Variants in PDE10A observed in about 807,000 individuals in gnomAD.
PDE10A encodes the protein phosphodiesterase 10A, also known as cAMP and cAMP-inhibited cGMP 3',5'-cyclic phosphodiesterase 10A.
In PDE10A, 39 loss-of-function variants were observed where a neutral mutation model predicts 97.7. That is an observed-to-expected ratio of 0.40 (90% CI 0.31 to 0.52). The LOEUF (loss-of-function observed/expected upper bound fraction) is 0.52, where lower values mean the gene tolerates loss of function less well. PDE10A is among the 20% of genes least tolerant of loss of function. The pLI is 0.56. For synonymous variants in PDE10A, 371 were observed against 376.8 expected, an observed-to-expected ratio of 0.98 and a Z score of 0.18; for missense variants, 731 against 1,047.8, an observed-to-expected ratio of 0.70 and a Z score of 4.17.
At chr6:165,679,729 T>C (rs1790925333) in intron 1 of PDE10A, among the ~76,000 whole-genome samples, 1 of 152,238 alleles carries the variant, frequency 6.6e-6, no homozygotes, top group Non-Finnish European at 1.5e-5. Flanking sequence ...CGCTGTGATG[T>C]CTTTCTCTCT....
rs1784046376 is a variant in PDE10A at position 165,953,797 on chromosome 6, G to A, written c.-615+33732C>T. Among the ~76,000 whole-genome samples, 3 of 152,140 alleles carry A rather than the reference G, an allele frequency of 2.0e-5. No homozygotes were observed. In the South Asian group the frequency reaches 6.2e-4, roughly 32 times the overall value. Reference sequence around the variant, plus strand: ...GCTTACATCAGAGTTGGTTCCTTGTGTTGTACAGTTCTACAGTAGTTCTAT... The same window carrying A: ...GCTTACATCAGAGTTGGTTCCTTGTATTGTACAGTTCTACAGTAGTTCTAT... On this transcript the variant is annotated intron_variant, in intron 1 of 19. Transcript: ENST00000366882.
In PDE10A at chr6:165,618,859, T is replaced by A. The variant is rs1009264639; in HGVS notation, c.865+43088A>T. On this transcript the variant is annotated intron_variant, in intron 1 of 21. Transcript: ENST00000539869. ...GAGAGCGCATTAAATGAATGTTACA[T>A]AGGTACTAAAAGAGCCCTAGGAGCA... 6.4e-4 allele frequency among the ~76,000 whole-genome samples: 97 copies of A among 152,330 alleles called. 1 individual carries two copies. The highest frequency in any genetic ancestry group is 2.3e-3 in the African/African-American group (94 of 41,570).
intron 20 of PDE10A, among the ~76,000 whole-genome samples, chr6:165,339,074 T>A (rs1028324227): frequency 6.6e-6 from 1 of 152,230 alleles, no homozygotes; most frequent in Admixed American, 6.5e-5. Flanking sequence ...TAGATGATTA[T>A]TCAGGGTAAA....
intron 1 of PDE10A, among the ~76,000 whole-genome samples, chr6:165,680,065 G>A (rs1258308236): frequency 6.6e-6 from 1 of 152,078 alleles, no homozygotes; most frequent in Non-Finnish European, 1.5e-5. Flanking sequence ...GGTACTGTGG[G>A]GTACCCATGT....
intron 1 of PDE10A, among the ~76,000 whole-genome samples, chr6:165,645,221 G>A (rs947709101): frequency 3.3e-5 from 5 of 152,316 alleles, no homozygotes; most frequent in Non-Finnish European, 5.9e-5. Flanking sequence ...AGTGCACAGC[G>A]AGGGTGCGGC....
At chr6:165,727,493 T>A (rs549463631) in intron 1 of PDE10A, among the ~76,000 whole-genome samples, 1 of 152,318 alleles carries the variant, frequency 6.6e-6, no homozygotes, top group South Asian at 2.1e-4. Context: ...AACAGTGTTC[T>A]GAGGCCAGGA....
At chr6:165,644,976 G>T (rs911306025) in intron 1 of PDE10A, among the ~76,000 whole-genome samples, 2 of 152,200 alleles carry the variant, frequency 1.3e-5, no homozygotes, top group Non-Finnish European at 2.9e-5. Context: ...GTAGAATAAA[G>T]AACATAAACG....
Position 165,705,096 on chromosome 6 carries a change from C to T in PDE10A, c.-614-161528G>A, listed in dbSNP as rs913855684. Among the ~76,000 whole-genome samples, 3 of 152,220 alleles carry T rather than the reference C, an allele frequency of 2.0e-5. No homozygotes were observed. In the South Asian group the frequency reaches 6.2e-4, roughly 32 times the overall value. On this transcript the variant is annotated intron_variant, in intron 1 of 19. Transcript: ENST00000366882. ...TACCACCCGCCCCCAGCATGGCACG[C>T]ACACCCAGGGGACACCTGGGGACCA...
intron 1 of PDE10A, among the ~76,000 whole-genome samples, chr6:165,941,388 C>A (rs1264048927): frequency 6.6e-6 from 1 of 152,204 alleles, no homozygotes; most frequent in African/African-American, 2.4e-5. Context: ...TCCATGAGCT[C>A]TCTGTCTAAA....
intron 1 of PDE10A, among the ~76,000 whole-genome samples, chr6:165,701,724 C>T (rs574369895): frequency 1.4e-4 from 21 of 149,050 alleles, no homozygotes; most frequent in Middle Eastern, 3.5e-3. Context: ...TGTGTTTGCG[C>T]GTGTGTGCAT....
chr6:165,825,655 G>A (rs1779718129), intron 1 of PDE10A, among the ~76,000 whole-genome samples: 1 of 152,234 alleles, frequency 6.6e-6, no homozygotes, highest in African/African-American at 2.4e-5. Context: ...AAGAGAGCAA[G>A]ACTGCAGTTA....
intron 1 of PDE10A, among the ~76,000 whole-genome samples, chr6:165,613,095 C>T (rs1787571976): frequency 6.6e-6 from 1 of 152,124 alleles, no homozygotes; most frequent in Non-Finnish European, 1.5e-5. Context: ...CATAGGCATA[C>T]TTTAAACTAG....
chr6:165,766,313 G>A (rs893803975), intron 1 of PDE10A, among the ~76,000 whole-genome samples: 1 of 152,188 alleles, frequency 6.6e-6, no homozygotes, highest in Non-Finnish European at 1.5e-5. Context: ...GGAAGCTTTC[G>A]ATCACAAAAG....
At chr6:165,650,278 G>A (rs546962638) in intron 1 of PDE10A, among the ~76,000 whole-genome samples, 2 of 152,248 alleles carry the variant, frequency 1.3e-5, no homozygotes, top group African/African-American at 4.8e-5. Context: ...TGGGAGATAA[G>A]TTATATTATT....
intron 1 of PDE10A, among the ~76,000 whole-genome samples, chr6:165,980,091 C>T (rs556693576): frequency 7.6e-4 from 115 of 152,308 alleles, no homozygotes; most frequent in African/African-American, 2.7e-3. Flanking sequence ...CTTATGAATC[C>T]TAAAATCCAT....
intron 1 of PDE10A, among the ~76,000 whole-genome samples, chr6:165,633,708 A>C (rs1788739722): frequency 6.6e-6 from 1 of 151,648 alleles, no homozygotes; most frequent in African/African-American, 2.4e-5. Context: ...GCTCACTGCA[A>C]CCTCTACCTC....
chr6:165,442,784 CA>C (rs1478081835), intron 5 of PDE10A, among the ~76,000 whole-genome samples: 1 of 152,056 alleles, frequency 6.6e-6, no homozygotes, highest in East Asian at 1.9e-4. Flanking sequence ...GTCTTCCCCA[CA>C]GTCCTTCAAA....
At chr6:165,540,640 T>C (rs75467702) in intron 2 of PDE10A, among the ~76,000 whole-genome samples, 8,831 of 152,168 alleles carry the variant, frequency 0.058, 843 homozygotes, top group African/African-American at 0.2. Flanking sequence ...AACGGGACTT[T>C]CTTTTTTTGT....
Position 165,331,560 on chromosome 6 carries a change from C to G in PDE10A, c.*1465G>C, listed in dbSNP as rs1562352957. 1 of 152,156 alleles carries G rather than the reference C, an allele frequency of 6.6e-6. No individual in the cohort carries two copies. The highest frequency in any genetic ancestry group is 1.5e-5 in the Non-Finnish European group (1 of 68,024). 9.4% of individuals were successfully genotyped at this position (152,156 alleles called of 1,614,324 possible). On this transcript the variant is annotated 3_prime_UTR_variant, in exon 22 of 22. Transcript: ENST00000539869. Reference sequence around the variant, plus strand: ...TTAAAAGCGATATTCCAGTTTCCTGCCACATGAAAAGTGAATAAGTTATTT... The same window carrying G: ...TTAAAAGCGATATTCCAGTTTCCTGGCACATGAAAAGTGAATAAGTTATTT...
Sources: gnomAD v4.1 joint callset for allele counts (sites outside exome capture counted in the v4.1 genomes callset) on GRCh38, gnomAD v4.1.1 for gene constraint, MANE v1.5 for transcripts, NCBI Gene and HGNC (gene_info 2026-07-23, HGNC 2026-07-21) for gene names.